The following WDR27 variants were observed in gnomAD, a reference collection of about 807,000 sequenced individuals.
WDR27 encodes the protein WD repeat domain 27, also known as WD repeat-containing protein 27.
Under a neutral mutation model 114.4 loss-of-function variants are expected in WDR27, and 100 were observed. The ratio of observed to expected loss-of-function variants is 0.87; its 90% CI spans 0.74 to 1.03. The LOEUF (loss-of-function observed/expected upper bound fraction) is 1.03, where lower values mean the gene tolerates loss of function less well. Ranked by LOEUF, WDR27 falls within the 50% of genes least tolerant of loss-of-function variation. WDR27 has a pLI of 0.00. For missense variants in WDR27, 1,129 were observed against 1,092.9 expected (o/e 1.03, Z -0.47); for synonymous variants, 449 against 423.1 (o/e 1.06, Z -0.75).
intron 16 of WDR27, among the ~76,000 whole-genome samples, chr6:169,644,562 C>T (rs200960219): frequency 6.1e-4 from 62 of 101,698 alleles, no homozygotes; most frequent in African/African-American, 7.9e-4. Context: ...GTCACACTGT[C>T]GAAAAGCCTA....
At chr6:169,692,286 G>C (rs1159182470) in intron 1 of WDR27, among the ~76,000 whole-genome samples, 1 of 152,240 alleles carries the variant, frequency 6.6e-6, no homozygotes, top group African/African-American at 2.4e-5. Context: ...AAGACAGCCA[G>C]AGGAATTAGG....
intron 25 of WDR27, among the ~76,000 whole-genome samples, chr6:169,486,243 T>A (rs924264840): frequency 4.6e-5 from 7 of 151,974 alleles, no homozygotes; most frequent in Admixed American, 3.3e-4. Context: ...TTGGTGGGAA[T>A]ATAAATTAGT....
At chr6:169,497,508 T>C (rs547333652) in intron 25 of WDR27, among the ~76,000 whole-genome samples, 84 of 151,822 alleles carry the variant, frequency 5.5e-4, no homozygotes, top group African/African-American at 2.0e-3. Context: ...TTCCAAATCA[T>C]GTATATAATA....
At chr6:169,437,835 C>T in the WDR27 span, among the ~76,000 whole-genome samples, 8 of 152,034 alleles carry the variant, frequency 5.3e-5, no homozygotes, top group Non-Finnish European at 1.2e-4. Context: ...TGGCCCGATG[C>T]TGGCCAACGT....
At chr6:169,514,625 C>T in intron 25 of WDR27, among the ~76,000 whole-genome samples, 1 of 147,742 alleles carries the variant, frequency 6.8e-6, no homozygotes, top group East Asian at 2.0e-4. Flanking sequence ...AAAAAATGAT[C>T]AAACAAATCC....
At chr6:169,555,253 G>A (rs1051478796) in intron 25 of WDR27, among the ~76,000 whole-genome samples, 1 of 152,164 alleles carries the variant, frequency 6.6e-6, no homozygotes, top group African/African-American at 2.4e-5. Context: ...ATGTCTCAGA[G>A]AGGACAACAT....
chr6:169,486,961 G>T (rs1447684697), intron 25 of WDR27, among the ~76,000 whole-genome samples: 2 of 152,196 alleles, frequency 1.3e-5, no homozygotes, highest in Non-Finnish European at 2.9e-5. Flanking sequence ...GAACCTTCAT[G>T]CTTTCATTAT....
Position 169,638,751 on chromosome 6 carries a change from A to G in WDR27, c.1748-91T>C, listed in dbSNP as rs534559933. ...TTATCTGGTACTTTCATACAACACAACTGGAACAGCATTTTTCAAGTAATT... is the reference window on the plus strand; with the variant it reads ...TTATCTGGTACTTTCATACAACACAGCTGGAACAGCATTTTTCAAGTAATT... On this transcript the variant is annotated intron_variant, in intron 17 of 25. Coordinates refer to ENST00000448612, the MANE Select transcript of WDR27 (RefSeq NM_182552.5). The G allele has an allele frequency of 2.0e-6, 3 of 1,464,032 alleles. No homozygotes were observed. The South Asian group carries it at 3.9e-5, about 19-fold the overall frequency. 90.7% of individuals were successfully genotyped at this position (1,464,032 alleles called of 1,614,324 possible). A position where few individuals can be genotyped will look rare whatever the true frequency, so the allele number is the denominator to read the frequency against.
intron 8 of WDR27, among the ~76,000 whole-genome samples, chr6:169,662,715 ACGCG>A (rs1826614832): frequency 1.4e-5 from 2 of 139,532 alleles, no homozygotes; most frequent in African/African-American, 5.5e-5. Context: ...ACCCAGCATG[ACGCG>A]TGTGCACCGC....
chr6:169,665,448 T>C (rs372756166), intron 7 of WDR27, 38 bp downstream of exon 7: 107 of 1,597,970 alleles, frequency 6.7e-5, no homozygotes, highest in Middle Eastern at 1.7e-4. Flanking sequence ...CGTTCAGGCA[T>C]GTCTGGGAAC....
intron 25 of WDR27, among the ~76,000 whole-genome samples, chr6:169,534,834 A>G (rs2128085036): frequency 6.6e-6 from 1 of 151,872 alleles, no homozygotes; most frequent in Non-Finnish European, 1.5e-5. Flanking sequence ...TAGGAATTTC[A>G]TATATTCAAC....
At chr6:169,525,557 GA>G (rs1207279340) in intron 25 of WDR27, among the ~76,000 whole-genome samples, 2 of 145,290 alleles carry the variant, frequency 1.4e-5, no homozygotes, top group Non-Finnish European at 3.0e-5. Context: ...AAAGAAAAAA[GA>G]AAAAAAAAGC....
chr6:169,647,609 G>A, intron 16 of WDR27, 164 bp downstream of exon 16: 1 of 728,456 alleles, frequency 1.4e-6, no homozygotes, highest in Non-Finnish European at 2.4e-6. Context: ...GTGAAACGCA[G>A]TCTCGGTTTT....
chr6:169,573,952 T>C (rs1196405288), intron 24 of WDR27, among the ~76,000 whole-genome samples: 1 of 152,278 alleles, frequency 6.6e-6, no homozygotes, highest in East Asian at 1.9e-4. Flanking sequence ...TCAGCCAGGA[T>C]AATTTAACTA....
intron 1 of WDR27, among the ~76,000 whole-genome samples, chr6:169,693,805 T>C (rs1785117711): frequency 6.6e-6 from 1 of 150,984 alleles, no homozygotes; most frequent in African/African-American, 2.4e-5. Context: ...CAATCCTAAA[T>C]ATATACACAC....
chr6:169,477,580 A>T (rs1787358291), intron 25 of WDR27, among the ~76,000 whole-genome samples: 1 of 152,192 alleles, frequency 6.6e-6, no homozygotes, highest in Non-Finnish European at 1.5e-5. Context: ...TTGGGACAAC[A>T]GGCATGCACT....
intron 25 of WDR27, among the ~76,000 whole-genome samples, chr6:169,482,904 T>C (rs558758449): frequency 6.6e-6 from 1 of 152,242 alleles, no homozygotes; most frequent in Admixed American, 6.5e-5. Flanking sequence ...TACAATTACA[T>C]GGAAATTAAT....
chr6:169,444,182 T>C, the WDR27 span, among the ~76,000 whole-genome samples: 1 of 152,184 alleles, frequency 6.6e-6, no homozygotes. Flanking sequence ...ATATCCTTTA[T>C]CTAACTCCCG....
rs374154081 is a variant in WDR27 at position 169,643,688 on chromosome 6, A to C, written c.1747+9T>G. 4.6e-5 allele frequency: 74 copies of C among 1,611,678 alleles called. No homozygotes were observed. In the African/African-American group the frequency reaches 8.7e-4, roughly 19 times the overall value. On this transcript the variant is annotated intron_variant, in intron 17 of 25. Transcript: ENST00000448612. ...AGTTCATACTGACTGAAATTAAGAC[A>C]TGTTTTACCTGAAAACACAGCAGGT...
Sources: allele counts gnomAD v4.1 joint callset (sites outside exome capture counted in the v4.1 genomes callset), GRCh38; gene constraint gnomAD v4.1.1; transcripts MANE v1.5; gene names NCBI Gene and HGNC (gene_info 2026-07-23, HGNC 2026-07-21).